OBI1: variants seen among roughly 807,000 people sequenced by gnomAD.
OBI1 encodes ring finger protein 219.
A neutral mutation model predicts 62.4 loss-of-function variants in OBI1; 59 were observed. That is an observed-to-expected ratio of 0.95 (90% CI 0.77 to 1.17). The LOEUF (loss-of-function observed/expected upper bound fraction) is 1.17. Among genes scored for constraint, OBI1 ranks in the 50% most tolerant of loss-of-function variants. The probability of loss-of-function intolerance (pLI) is 0.00; values close to 1 mark genes in which losing one functional copy is unlikely to be tolerated. For synonymous variants in OBI1, 302 were observed against 292.8 expected (o/e 1.03, Z -0.32); for missense variants, 875 against 830.9 (o/e 1.05, Z -0.65).
intron 1 of OBI1, among the ~76,000 whole-genome samples, chr13:78,655,371 A>G (rs1013940076): frequency 2.0e-5 from 3 of 152,162 alleles, no homozygotes; most frequent in Non-Finnish European, 4.4e-5. Flanking sequence ...AGAATAGGTA[A>G]GAAAATATGT....
intron 5 of OBI1, among the ~76,000 whole-genome samples, chr13:78,619,397 G>A (rs1875437855): frequency 6.6e-6 from 1 of 151,464 alleles, no homozygotes; most frequent in Non-Finnish European, 1.5e-5. Flanking sequence ...GTCAATGAGA[G>A]CCCTAAACAT....
chr13:78,631,089 T>C (rs1234911724), intron 5 of OBI1, among the ~76,000 whole-genome samples: 1 of 152,158 alleles, frequency 6.6e-6, no homozygotes, highest in Non-Finnish European at 1.5e-5. Context: ...TGAAGAAACC[T>C]AGTCATTTTT....
At chr13:78,636,924 T>C (rs1021864161) in intron 4 of OBI1, among the ~76,000 whole-genome samples, 25 of 152,218 alleles carry the variant, frequency 1.6e-4, no homozygotes, top group African/African-American at 6.0e-4. Context: ...CAACAGTCCT[T>C]TGACTCTCTA....
In OBI1 at chr13:78,616,063, C is replaced by G. The variant is rs910266944; in HGVS notation, c.1698G>C (p.Gly566=). ...CACTGCCTTGAGATGACTTTGATAACCCATCCAAATCCAGTGACTTAAAAC... is the reference window on the plus strand; with the variant it reads ...CACTGCCTTGAGATGACTTTGATAAGCCATCCAAATCCAGTGACTTAAAAC... ...NNGFKSLDLD[G]LSKSSQGSEF... The change falls in exon 6 of 6, where the codon GGG becomes GGC. Residue 566 remains glycine, a synonymous_variant. Transcript: ENST00000282003. 6.2e-7 allele frequency: 1 copy of G among 1,614,138 alleles called. No individual in the cohort carries two copies. The highest frequency in any genetic ancestry group is 8.5e-7 in the Non-Finnish European group (1 of 1,179,996).
At chr13:78,636,824 G>C (rs772625180) in intron 4 of OBI1, among the ~76,000 whole-genome samples, 5 of 152,184 alleles carry the variant, frequency 3.3e-5, no homozygotes, top group Non-Finnish European at 5.9e-5. Context: ...GCTTTTTGAT[G>C]ATGATGACAA....
intron 5 of OBI1, among the ~76,000 whole-genome samples, chr13:78,626,725 C>A (rs977469647): frequency 3.9e-5 from 6 of 152,086 alleles, no homozygotes; most frequent in African/African-American, 1.2e-4. Flanking sequence ...AGAGAAGAGG[C>A]AAGGATATTA....
chr13:78,644,254 G>A (rs538463397), intron 2 of OBI1, among the ~76,000 whole-genome samples: 28 of 152,138 alleles, frequency 1.8e-4, no homozygotes, highest in Non-Finnish European at 3.7e-4. Context: ...AAACCATCAT[G>A]CCCAATTCAC....
At chr13:78,621,643 G>A (rs1433055316) in intron 5 of OBI1, among the ~76,000 whole-genome samples, 1 of 152,234 alleles carries the variant, frequency 6.6e-6, no homozygotes, top group Non-Finnish European at 1.5e-5. Flanking sequence ...ATCACTGACT[G>A]TGGGAATATT....
chr13:78,650,894 C>A (rs1027369543), intron 1 of OBI1, among the ~76,000 whole-genome samples: 1 of 152,182 alleles, frequency 6.6e-6, no homozygotes, highest in Non-Finnish European at 1.5e-5. Context: ...AATGAGATCA[C>A]TACTTCTCCA....
intron 1 of OBI1, among the ~76,000 whole-genome samples, chr13:78,648,630 T>C (rs968214310): frequency 5.3e-5 from 8 of 151,838 alleles, no homozygotes; most frequent in African/African-American, 1.9e-4. Flanking sequence ...AAGCAATCAG[T>C]AGGTCGGGCA....
At chr13:78,623,281 A>G (rs766213477) in intron 5 of OBI1, among the ~76,000 whole-genome samples, 19 of 151,862 alleles carry the variant, frequency 1.3e-4, no homozygotes, top group Non-Finnish European at 2.1e-4. Context: ...AAAAAAAAAA[A>G]AAAAAGGAAA....
In OBI1 at chr13:78,638,876, T is replaced by C; in HGVS notation, c.496A>G (p.Thr166Ala). The C allele has an allele frequency of 6.2e-7, 1 of 1,613,850 alleles. No homozygotes were observed. Among genetic ancestry groups the C allele is most frequent in the Non-Finnish European group, 8.5e-7 (1 of 1,179,850 alleles). Reference protein sequence around the residue: ...TVAEWKKKLRTANEIYEKVKD... With the variant: ...TVAEWKKKLRAANEIYEKVKD... ...ACTTTTTCATAGATTTCATTAGCTG[T>C]TCTGAGTTTTTTCTTCCACTCTGCT... The change falls in exon 4 of 6, where the codon ACA (threonine) becomes GCA (alanine). Residue 166 changes from threonine (T) to alanine (A), a missense_variant. Coordinates refer to ENST00000282003, the MANE Select transcript of OBI1 (RefSeq NM_024546.4).
At chr13:78,652,720 G>A (rs955605732) in intron 1 of OBI1, among the ~76,000 whole-genome samples, 1 of 152,160 alleles carries the variant, frequency 6.6e-6, no homozygotes, top group Admixed American at 6.5e-5. Context: ...TGCATGCACA[G>A]TTCACATTTG....
intron 4 of OBI1, among the ~76,000 whole-genome samples, chr13:78,635,846 T>G (rs1404233746): frequency 6.6e-6 from 1 of 152,102 alleles, no homozygotes; most frequent in African/African-American, 2.4e-5. Context: ...CACTGCAACC[T>G]CCACCTCCAG....
At chr13:78,648,279 AACACACACACACACACAC>A (rs3064402) in intron 1 of OBI1, among the ~76,000 whole-genome samples, 2 of 146,688 alleles carry the variant, frequency 1.4e-5, no homozygotes, top group Non-Finnish European at 3.0e-5. Flanking sequence ...ACTTCCCCCA[AACACACACACACACACAC>A]ACACACACAC....
intron 2 of OBI1, among the ~76,000 whole-genome samples, chr13:78,642,832 A>G (rs1593797409): frequency 6.6e-6 from 1 of 152,114 alleles, no homozygotes; most frequent in South Asian, 2.1e-4. Context: ...GCTTGCAGTG[A>G]GCCGAGATTG....
chr13:78,650,889 G>A (rs935870015), intron 1 of OBI1, among the ~76,000 whole-genome samples: 4 of 152,042 alleles, frequency 2.6e-5, no homozygotes, highest in Non-Finnish European at 5.9e-5. Flanking sequence ...AAGTTAATGA[G>A]ATCACTACTT....
At chr13:78,644,149 C>A (rs1445136528) in intron 2 of OBI1, among the ~76,000 whole-genome samples, 2 of 152,310 alleles carry the variant, frequency 1.3e-5, no homozygotes, top group Middle Eastern at 3.4e-3. Context: ...CCTACCAGAC[C>A]TACTCACATC....
At chr13:78,637,690 C>A (rs934564533) in intron 4 of OBI1, among the ~76,000 whole-genome samples, 12 of 152,208 alleles carry the variant, frequency 7.9e-5, no homozygotes, top group Admixed American at 3.3e-4. Flanking sequence ...AAGGTACTAA[C>A]ACTGGTCATC....
Sources: gnomAD v4.1 joint callset for allele counts (sites outside exome capture counted in the v4.1 genomes callset) on GRCh38, gnomAD v4.1.1 for gene constraint, MANE v1.5 for transcripts, NCBI Gene and HGNC (gene_info 2026-07-23, HGNC 2026-07-21) for gene names.